Variants in KCNIP4 observed in about 807,000 individuals in gnomAD.
The protein encoded by KCNIP4 is Kv channel-interacting protein 4.
KCNIP4 carries 12 observed loss-of-function variants against 34.0 expected under a neutral mutation model. That is an observed-to-expected ratio of 0.35 (90% CI 0.23 to 0.57). KCNIP4 has a LOEUF of 0.57. KCNIP4 is among the 20% of genes least tolerant of loss of function. KCNIP4 has a pLI of 0.83. For missense variants in KCNIP4, 238 were observed against 311.7 expected (o/e 0.76, Z 1.78); for synonymous variants, 124 against 102.2 (o/e 1.21, Z -1.29).
chr4:21,367,323 G>C (rs1226523298), intron 1 of KCNIP4, among the ~76,000 whole-genome samples: 1 of 152,042 alleles, frequency 6.6e-6, no homozygotes, highest in East Asian at 1.9e-4. Flanking sequence ...CTGTTTTCTT[G>C]TATCTGATTT....
At chr4:20,852,334 A>G (rs570635897) in intron 2 of KCNIP4, among the ~76,000 whole-genome samples, 16 of 152,352 alleles carry the variant, frequency 1.1e-4, no homozygotes, top group Non-Finnish European at 1.6e-4. Flanking sequence ...ACGCAAGTCA[A>G]TAAATGTGAT....
chr4:21,110,834 G>A (rs1469642918), intron 1 of KCNIP4, among the ~76,000 whole-genome samples: 1 of 152,136 alleles, frequency 6.6e-6, no homozygotes, highest in Admixed American at 6.5e-5. Context: ...ATCTTCGAGT[G>A]TCTCAATATT....
chr4:21,400,591 T>A (rs1723469749), intron 1 of KCNIP4, among the ~76,000 whole-genome samples: 1 of 150,152 alleles, frequency 6.7e-6, no homozygotes, highest in Non-Finnish European at 1.5e-5. Context: ...TCTTTCTTTC[T>A]TCCTTCTTTT....
intron 1 of KCNIP4, among the ~76,000 whole-genome samples, chr4:21,617,904 T>C (rs948846823): frequency 6.6e-6 from 1 of 152,200 alleles, no homozygotes; most frequent in East Asian, 1.9e-4. Flanking sequence ...TACTTGTTCT[T>C]TCAGGCCTCT....
intron 1 of KCNIP4, among the ~76,000 whole-genome samples, chr4:21,630,004 C>T (rs13110918): frequency 0.29 from 42,535 of 146,566 alleles, 6,325 homozygotes; most frequent in South Asian, 0.32. Flanking sequence ...GCATGGACCA[C>T]CACAGCTGGC....
chr4:20,995,832 G>A (rs574130224), intron 1 of KCNIP4, among the ~76,000 whole-genome samples: 31 of 152,210 alleles, frequency 2.0e-4, no homozygotes, highest in Non-Finnish European at 3.7e-4. Context: ...GCAAGGGACT[G>A]TGGGGCATGA....
intron 1 of KCNIP4, among the ~76,000 whole-genome samples, chr4:21,494,703 G>A (rs1577460979): frequency 6.6e-6 from 1 of 151,478 alleles, no homozygotes; most frequent in Admixed American, 6.6e-5. Flanking sequence ...AACCTGGGAG[G>A]TGGAGGTTGC....
chr4:21,934,040 G>A (rs1386782925), intron 1 of KCNIP4, among the ~76,000 whole-genome samples: 1 of 152,048 alleles, frequency 6.6e-6, no homozygotes, highest in South Asian at 2.1e-4. Context: ...ATTGCTTACA[G>A]TAATGTTATG....
At chr4:20,842,533 A>C (rs1719868043) in intron 3 of KCNIP4, among the ~76,000 whole-genome samples, 1 of 148,016 alleles carries the variant, frequency 6.8e-6, no homozygotes, top group African/African-American at 2.5e-5. Flanking sequence ...TGTTCAAGAA[A>C]TATTTGTTGG....
At chr4:21,593,257 A>T (rs371284973) in intron 1 of KCNIP4, among the ~76,000 whole-genome samples, 25 of 152,216 alleles carry the variant, frequency 1.6e-4, no homozygotes, top group East Asian at 9.7e-4. Flanking sequence ...AAAATTCTTA[A>T]CTTATGCTGC....
intron 1 of KCNIP4, among the ~76,000 whole-genome samples, chr4:21,558,978 A>G (rs891829046): frequency 4.6e-5 from 7 of 152,200 alleles, no homozygotes; most frequent in African/African-American, 1.7e-4. Flanking sequence ...CCCATAATGC[A>G]TAAGGGTCTT....
At chr4:21,731,114 CAAA>C (rs36075428) in intron 1 of KCNIP4, among the ~76,000 whole-genome samples, 1 of 135,118 alleles carries the variant, frequency 7.4e-6, no homozygotes, top group African/African-American at 2.8e-5. Context: ...GAACCTGTCT[CAAA>C]AAAAAAAAAA....
chr4:20,832,726 T>TA (rs34577392), intron 3 of KCNIP4, among the ~76,000 whole-genome samples: 3,352 of 142,028 alleles, frequency 0.024, 103 homozygotes, highest in African/African-American at 0.072. Flanking sequence ...GCTTTTTATT[T>TA]AAAAAAAAAA....
At chr4:21,822,067 ATAAAG>A (rs1248055412) in intron 1 of KCNIP4, among the ~76,000 whole-genome samples, 1 of 152,144 alleles carries the variant, frequency 6.6e-6, no homozygotes, top group Non-Finnish European at 1.5e-5. Context: ...AATCCACAAA[ATAAAG>A]TAATCATTGC....
At chr4:20,790,844 C>T (rs556466366) in intron 3 of KCNIP4, among the ~76,000 whole-genome samples, 196 of 152,142 alleles carry the variant, frequency 1.3e-3, no homozygotes, top group African/African-American at 4.5e-3. Flanking sequence ...GGTTTGTAGG[C>T]AGAATTTTCC....
At chr4:20,989,841 G>A (rs938621162) in intron 1 of KCNIP4, among the ~76,000 whole-genome samples, 1 of 152,040 alleles carries the variant, frequency 6.6e-6, no homozygotes, top group Non-Finnish European at 1.5e-5. Context: ...TGGTGACATG[G>A]GCCTGTAGTC....
chr4:21,684,735 T>C (rs899520741), intron 1 of KCNIP4, among the ~76,000 whole-genome samples: 1 of 152,128 alleles, frequency 6.6e-6, no homozygotes, highest in South Asian at 2.1e-4. Context: ...TTGTTACATA[T>C]GTATACATGT....
rs1333028337 is a variant in KCNIP4, at chr4:21,432,113, T to TATGG, written c.61+516457_61+516458insCCAT. On this transcript the variant is annotated intron_variant, in intron 1 of 8. Transcript: ENST00000382152. Reference sequence around the variant, plus strand: ...AAGCATATATATATATATATATATATATATATATATATATATATATATATA... The same window carrying TATGG: ...AAGCATATATATATATATATATATATATGGATATATATATATATATATATATATA... Among the ~76,000 whole-genome samples, 6 of 108,372 alleles carry TATGG rather than the reference T, an allele frequency of 5.5e-5. 1 individual carries two copies. In the East Asian group the frequency reaches 1.7e-3, roughly 31 times the overall value. 71.1% of individuals were successfully genotyped at this position (108,372 alleles called of 152,430 possible). A position where few individuals can be genotyped will look rare whatever the true frequency, so the allele number is the denominator to read the frequency against.
chr4:21,922,463 C>T (rs1214153471), intron 1 of KCNIP4, among the ~76,000 whole-genome samples: 4 of 152,192 alleles, frequency 2.6e-5, no homozygotes, highest in African/African-American at 9.6e-5. Flanking sequence ...ATTCCCTTAG[C>T]TCCTCTACCT....
Sources: gnomAD v4.1 joint callset for allele counts (sites outside exome capture counted in the v4.1 genomes callset) on GRCh38, gnomAD v4.1.1 for gene constraint, MANE v1.5 for transcripts, NCBI Gene and HGNC (gene_info 2026-07-23, HGNC 2026-07-21) for gene names.